Variants in CECR2 observed in about 807,000 individuals in gnomAD.
CECR2 encodes CECR2 histone acetyl-lysine reader.
In CECR2, 30 loss-of-function variants were observed where a neutral mutation model predicts 154.5. That is an observed-to-expected ratio of 0.19 (90% CI 0.15 to 0.26). The LOEUF is 0.26. Among genes scored for constraint, CECR2 ranks in the 10% least tolerant of loss-of-function variants. CECR2 has a pLI of 1.00. For missense variants in CECR2, 1,743 were observed against 1,829.3 expected (o/e 0.95, Z 0.86); for synonymous variants, 725 against 683.7 (o/e 1.06, Z -0.94).
At chr22:17,370,273 C>A (rs1188496257) in intron 1 of CECR2, among the ~76,000 whole-genome samples, 1 of 148,006 alleles carries the variant, frequency 6.8e-6, no homozygotes, top group African/African-American at 2.5e-5. Flanking sequence ...CGCTCGCCGC[C>A]CGGTGCCATT....
chr22:17,395,681 G>A (rs1171435181), intron 1 of CECR2, among the ~76,000 whole-genome samples: 1 of 152,046 alleles, frequency 6.6e-6, no homozygotes. Context: ...CACGCATTGA[G>A]TAGGAATATT....
At chr22:17,484,025 T>C (rs1337328640) in intron 2 of CECR2, among the ~76,000 whole-genome samples, 1 of 152,220 alleles carries the variant, frequency 6.6e-6, no homozygotes, top group Non-Finnish European at 1.5e-5. Flanking sequence ...TCAGGTGCAG[T>C]ATAGGTTTGT....
At chr22:17,383,024 G>T (rs920108195) in intron 1 of CECR2, among the ~76,000 whole-genome samples, 1 of 152,066 alleles carries the variant, frequency 6.6e-6, no homozygotes, top group Non-Finnish European at 1.5e-5. Flanking sequence ...TCAGGAGTTC[G>T]AGACCGCCTG....
rs2056624148 is a variant in CECR2 at position 17,546,998 on chromosome 22, C to A, written c.2861-1150C>A. Among the ~76,000 whole-genome samples, 3 of 136,758 alleles carry A rather than the reference C, an allele frequency of 2.2e-5. No homozygotes were observed. In the South Asian group the frequency reaches 7.2e-4, roughly 33 times the overall value. 89.7% of individuals were successfully genotyped at this position (136,758 alleles called of 152,430 possible). ...AGGTTGCAGTGAGCCAAGATCACGC[C>A]ACTGCACTCCAGCCTGGGCATCAGA... On this transcript the variant is annotated intron_variant, in intron 16 of 18. Transcript: ENST00000262608.
At chr22:17,498,702 G>C (rs1050304368) in intron 3 of CECR2, among the ~76,000 whole-genome samples, 1 of 152,148 alleles carries the variant, frequency 6.6e-6, no homozygotes, top group Admixed American at 6.6e-5. Context: ...CTGCCACAGA[G>C]GATCCCATGG....
chr22:17,474,499 A>G (rs1259005314), intron 1 of CECR2, among the ~76,000 whole-genome samples: 2 of 152,124 alleles, frequency 1.3e-5, no homozygotes, highest in Non-Finnish European at 2.9e-5. Context: ...AGCATCCCTG[A>G]TATTCTACTT....
chr22:17,476,210 C>CTT (rs2055205175), intron 1 of CECR2, among the ~76,000 whole-genome samples: 1 of 150,844 alleles, frequency 6.6e-6, no homozygotes, highest in Non-Finnish European at 1.5e-5. Flanking sequence ...AGAAGTAACC[C>CTT]TTTTCTTCTC....
chr22:17,494,046 C>G (rs1042149772), intron 2 of CECR2, among the ~76,000 whole-genome samples: 1 of 152,262 alleles, frequency 6.6e-6, no homozygotes, highest in Non-Finnish European at 1.5e-5. Flanking sequence ...CTTCTACACA[C>G]TTCTGGCTAC....
chr22:17,515,183 A>G (rs987458762), intron 8 of CECR2, among the ~76,000 whole-genome samples: 1 of 152,218 alleles, frequency 6.6e-6, no homozygotes, highest in African/African-American at 2.4e-5. Flanking sequence ...TGATGAAAGA[A>G]AAAAGGCCCA....
chr22:17,552,956 C>T lies in CECR2; in HGVS notation c.*116C>T, dbSNP rs115810282. 636 of 1,505,226 alleles carry T rather than the reference C, an allele frequency of 4.2e-4. 5 individuals carry two copies. In the African/African-American group the frequency reaches 8.1e-3, roughly 19 times the overall value. The allele number at this position is 1,505,226 out of a possible 1,614,324, so 93.2% of individuals were successfully genotyped here. The stretch of plus-strand genomic sequence containing the variant: ...CATCACCTGCTCCACCCCTTCACGG[C>T]GACCCACTCGTGCCATACTTGAGCT... On this transcript the variant is annotated 3_prime_UTR_variant, in exon 19 of 19. Transcript: ENST00000262608.
rs573364685 is a variant in CECR2 at position 17,379,176 on chromosome 22, C to T, written c.126+9267C>T. On this transcript the variant is annotated intron_variant, in intron 1 of 18. Coordinates refer to ENST00000262608, the MANE Select transcript of CECR2 (RefSeq NM_001290047.2). ...TTCACCATCTTGGTCAGGCTGGTTT[C>T]GAACTCCTGACCTCCAGTGATCAGC... is the stretch of plus-strand genomic sequence containing the variant. Among the ~76,000 whole-genome samples, 6 of 152,194 alleles carry T rather than the reference C, an allele frequency of 3.9e-5. No individual in the cohort carries two copies. The South Asian group carries it at 1.2e-3, about 32-fold the overall frequency.
At chr22:17,490,037 A>G (rs113631325) in intron 2 of CECR2, among the ~76,000 whole-genome samples, 7 of 152,168 alleles carry the variant, frequency 4.6e-5, no homozygotes, top group African/African-American at 1.4e-4. Flanking sequence ...ATTATTGTTT[A>G]AAACATGCTC....
At chr22:17,464,584 C>G (rs1474108186) in intron 1 of CECR2, among the ~76,000 whole-genome samples, 1 of 152,170 alleles carries the variant, frequency 6.6e-6, no homozygotes, top group African/African-American at 2.4e-5. Flanking sequence ...ACTGCAGCCA[C>G]AAACTCCTGG....
rs373106595 is a variant in CECR2, at chr22:17,480,459, C to CACACACACACACACAG, written c.221+2778_221+2779insCACACACACACACAGA. On this transcript the variant is annotated intron_variant, in intron 2 of 18. Transcript: ENST00000262608. The stretch of plus-strand genomic sequence containing the variant: ...ACACACACACACACACACACACACA[C>CACACACACACACACAG]AGAGAAAAGTGCTCATTTCCTAATT... 4.0e-3 allele frequency among the ~76,000 whole-genome samples: 581 copies of CACACACACACACACAG among 143,776 alleles called. 2 individuals are homozygous for CACACACACACACACAG. The highest frequency in any genetic ancestry group is 6.4e-3 in the Non-Finnish European group (420 of 65,518). The allele number at this position is 143,776 out of a possible 152,430, so 94.3% of individuals were successfully genotyped here. A position where few individuals can be genotyped will look rare whatever the true frequency, so the allele number is the denominator to read the frequency against.
At chr22:17,459,925 A>T (rs1036753210) in intron 1 of CECR2, among the ~76,000 whole-genome samples, 2 of 152,202 alleles carry the variant, frequency 1.3e-5, no homozygotes, top group Non-Finnish European at 2.9e-5. Context: ...ATGAAGGGCC[A>T]CATGTATTTA....
At chr22:17,463,835 G>A (rs2518751) in intron 1 of CECR2, among the ~76,000 whole-genome samples, 71,531 of 151,606 alleles carry the variant, frequency 0.47, 17,011 homozygotes, top group South Asian at 0.57. Context: ...TGGGTGTAGA[G>A]CAGAAAGGGA....
chr22:17,512,483 T>G (rs174291), intron 8 of CECR2, among the ~76,000 whole-genome samples: 80,382 of 151,758 alleles, frequency 0.53, 21,768 homozygotes, highest in African/African-American at 0.63. Context: ...CAGGTGGATT[T>G]CTTGTACTCA....
At chr22:17,380,009 C>G (rs914960009) in intron 1 of CECR2, among the ~76,000 whole-genome samples, 4 of 152,032 alleles carry the variant, frequency 2.6e-5, no homozygotes, top group African/African-American at 9.7e-5. Flanking sequence ...GACCCTGTGT[C>G]TTGTTTTTTA....
intron 1 of CECR2, among the ~76,000 whole-genome samples, chr22:17,391,991 G>A (rs2063330873): frequency 6.6e-6 from 1 of 152,102 alleles, no homozygotes; most frequent in South Asian, 2.1e-4. Context: ...TAGTAGAGAC[G>A]GGGTTTCACC....
Sources: gnomAD v4.1 joint callset for allele counts (sites outside exome capture counted in the v4.1 genomes callset) on GRCh38, gnomAD v4.1.1 for gene constraint, MANE v1.5 for transcripts, NCBI Gene and HGNC (gene_info 2026-07-23, HGNC 2026-07-21) for gene names.